The following WDR90 variants were observed in gnomAD, a reference collection of about 807,000 sequenced individuals.
WDR90 encodes WD repeat-containing protein 90.
WDR90 carries 238 observed loss-of-function variants against 195.2 expected under a neutral mutation model. That is an observed-to-expected ratio of 1.22 (90% confidence interval 1.10 to 1.36). WDR90 has a LOEUF of 1.36. WDR90 is among the 40% of genes most tolerant of loss of function. The pLI, the probability that WDR90 is intolerant of heterozygous loss-of-function variation, is 0.00. For synonymous variants in WDR90, 1,265 were observed against 1,052.4 expected (o/e 1.20, Z -3.91); for missense variants, 2,734 against 2,439.5 (o/e 1.12, Z -2.54).
chr16:665,508 G>T lies in WDR90; in HGVS notation c.4312-171G>T. ...TGGACTCACCCAGATCTAGTGCAGG[G>T]ACACACACGGGGGCCGGCATTGCTC... On this transcript the variant is annotated intron_variant, in intron 34 of 40. Transcript: ENST00000293879. 4 of 1,009,430 alleles carry T rather than the reference G, an allele frequency of 4.0e-6. No homozygotes were observed. The South Asian group carries it at 5.8e-5, about 15-fold the overall frequency. 62.5% of individuals were successfully genotyped at this position (1,009,430 alleles called of 1,614,324 possible).
rs375863765 is a variant in WDR90, at chr16:659,230, C to T, written c.3053-15C>T. The T allele has an allele frequency of 2.8e-5, 45 of 1,611,380 alleles. No individual in the cohort carries two copies. The highest frequency in any genetic ancestry group is 3.6e-5 in the Non-Finnish European group (42 of 1,179,534). ...CTCTTCCTTCCCAAACATCACAGGG[C>T]TGCTTCTTCCCCAGGCCCGGGCGCA... On this transcript the variant is annotated splice_polypyrimidine_tract_variant and intron_variant, in intron 25 of 40. Transcript: ENST00000293879.
intron 28 of WDR90, 56 bp from the exon 29 acceptor site, chr16:660,995 T>TCCCCCCCCCCC: frequency 9.7e-5 from 1 of 10,290 alleles, no homozygotes; most frequent in Non-Finnish European, 1.5e-4. Flanking sequence ...CCCAGGCCCC[T>TCCCCCCCCCCC]CCCCGCCCCC....
At position 649,784 on chromosome 16, in the gene WDR90, A is replaced by C. The variant is rs762960909; in HGVS notation, c.32A>C (p.Asn11Thr). 4 of 1,569,024 alleles carry C rather than the reference A, an allele frequency of 2.5e-6. No individual in the cohort carries two copies. Among genetic ancestry groups the C allele is most frequent in the Non-Finnish European group, 3.5e-6 (4 of 1,157,700 alleles). The change falls in exon 2 of 41, where the codon AAC becomes ACC. Residue 11 changes from asparagine to threonine, a missense_variant. Transcript: ENST00000293879. MARAWQHPFL[N>T]VFRHFRVDEW... Reference sequence around the variant, plus strand: ...GCAGCGTGGCAGCACCCGTTCCTCAACGTCTTCAGACACTTCCGGGTGGAC... The same window carrying C: ...GCAGCGTGGCAGCACCCGTTCCTCACCGTCTTCAGACACTTCCGGGTGGAC...
chr16:660,272 C>T (rs2037867748), intron 27 of WDR90, 111 bp downstream of exon 27: 1 of 1,035,708 alleles, frequency 9.7e-7, no homozygotes, highest in East Asian at 2.7e-5. Flanking sequence ...GGTGATGGCT[C>T]TGGCCCTTGG....
rs1267323893 is a variant in WDR90, at chr16:655,902, G to A, written c.1966+13G>A. On this transcript the variant is annotated intron_variant, in intron 17 of 40. Transcript: ENST00000293879. Reference sequence around the variant, plus strand: ...CTCCTGGAGGCAGGTGATGCTGTGGGCACGCTCTCCCAACTCCGGGAGAGC... The same window carrying A: ...CTCCTGGAGGCAGGTGATGCTGTGGACACGCTCTCCCAACTCCGGGAGAGC... The A allele has an allele frequency of 6.3e-7, 1 of 1,583,566 alleles. No individual in the cohort carries two copies.
chr16:667,033 C>A (rs778469210), intron 40 of WDR90, 44 bp downstream of exon 40: 1 of 1,546,856 alleles, frequency 6.5e-7, no homozygotes, highest in East Asian at 2.4e-5. Context: ...TAGGTGGGGG[C>A]CAAGTGGGCT....
Position 654,010 on chromosome 16 carries a change from T to C in WDR90, c.1437+207T>C, listed in dbSNP as rs974099803. On this transcript the variant is annotated intron_variant, in intron 13 of 40. Coordinates refer to ENST00000293879, the MANE Select transcript of WDR90 (RefSeq NM_145294.5). ...CACCACCAGCAGCTCACATTTCACG[T>C]CTCGGCTTTTCGGCCATCGGAGTCG... The C allele has an allele frequency of 7.9e-6, 5 of 636,074 alleles. No homozygotes were observed. The African/African-American group carries it at 9.2e-5, about 12-fold the overall frequency. The allele number at this position is 636,074 out of a possible 1,614,324, so 39.4% of individuals were successfully genotyped here.
At position 655,073 on chromosome 16, in the gene WDR90, G is replaced by A. The variant is rs1157499924; in HGVS notation, c.1482G>A (p.Glu494=). The change falls in exon 14 of 41, where the codon GAG becomes GAA. Residue 494 remains glutamate, a synonymous_variant. Transcript: ENST00000293879. ...WGTGQVGLGG[E]VVVLAKAHTD... ...CCGGCCAGGTGGGCCTCGGTGGCGA[G>A]GTGGTCGTTCTGGCAAAGGCGCACA... 2.4e-5 allele frequency: 39 copies of A among 1,612,786 alleles called. No homozygotes were observed. Among genetic ancestry groups the A allele is most frequent in the Non-Finnish European group, 3.3e-5 (39 of 1,179,856 alleles).
intron 17 of WDR90, 50 bp from the exon 18 acceptor site, chr16:656,252 G>T (rs761690912): frequency 6.5e-7 from 1 of 1,539,052 alleles, no homozygotes; most frequent in Non-Finnish European, 8.8e-7. Flanking sequence ...CTGAGCATGC[G>T]GCTCACCCCG....
In WDR90 at chr16:650,987, C is replaced by T; in HGVS notation, c.560-8C>T. On this transcript the variant is annotated splice_polypyrimidine_tract_variant and splice_region_variant and intron_variant, in intron 5 of 40. Transcript: ENST00000293879. ...TCCCTTGACCTGGAACAACCCTGCT[C>T]CTTGTAGCCATCTCTGGGGCCCAGT... 2 of 1,612,922 alleles carry T rather than the reference C, an allele frequency of 1.2e-6. No individual in the cohort carries two copies. Among genetic ancestry groups the T allele is most frequent in the Non-Finnish European group, 1.7e-6 (2 of 1,179,892 alleles).
Position 655,114 on chromosome 16 carries a change from A to C in WDR90, c.1523A>C (p.Gln508Pro). 1 of 1,612,790 alleles carries C rather than the reference A, an allele frequency of 6.2e-7. No individual in the cohort carries two copies. The highest frequency in any genetic ancestry group is 1.7e-5 in the Admixed American group (1 of 60,026). Reference protein sequence around the residue: ...LAKAHTDFDVQAFRVTFFDET... With the variant: ...LAKAHTDFDVPAFRVTFFDET... The stretch of plus-strand genomic sequence containing the variant: ...AAGGCGCACACTGACTTTGACGTCC[A>C]GGCCTTCCGGGTCACCTTTTTTGAT... The change falls in exon 14 of 41, where the codon CAG (glutamine) becomes CCG (proline). Residue 508 changes from glutamine (Q) to proline (P), a missense_variant. Gln to Pro is a moderately conservative substitution (Grantham distance 76). Coordinates refer to ENST00000293879, the MANE Select transcript of WDR90 (RefSeq NM_145294.5).
chr16:650,868 C>G (rs944240220), intron 5 of WDR90, 127 bp from the exon 6 acceptor site: 3 of 1,473,572 alleles, frequency 2.0e-6, no homozygotes, highest in Non-Finnish European at 2.8e-6. Context: ...GGGTCAGAAC[C>G]CATCCCAGAG....
In WDR90 at chr16:656,775, C is replaced by T. The variant is rs373837916; in HGVS notation, c.2246C>T (p.Thr749Ile). 20 of 1,613,176 alleles carry T rather than the reference C, an allele frequency of 1.2e-5. No individual in the cohort carries two copies. The highest frequency in any genetic ancestry group is 1.5e-5 in the Non-Finnish European group (18 of 1,179,996). The change falls in exon 19 of 41, where the codon ACC becomes ATC. Residue 749 changes from threonine (T) to isoleucine (I), a missense_variant. Transcript: ENST00000293879. The part of the protein sequence containing the change: ...TSSEDAPCAV[T>I]FHPTRPTFFC... ...TCAGAGGACGCCCCGTGCGCTGTCA[C>T]CTTCCACCCCACAAGGCCAACCTTT...
Position 657,194 on chromosome 16 carries a change from C to G in WDR90, c.2446C>G (p.Pro816Ala), listed in dbSNP as rs2037776600. 1.3e-6 allele frequency: 2 copies of G among 1,554,502 alleles called. No homozygotes were observed. The highest frequency in any genetic ancestry group is 1.4e-5 in the African/African-American group (1 of 73,300). ...GSLAQYSCAD[P>A]QWHVLRVAAD... The stretch of plus-strand genomic sequence containing the variant: ...CCTGGCCCAGTACAGCTGTGCGGAC[C>G]CCCAGTGGCATGTCCTCCGAGTGGC... Residue 816 changes from proline to alanine, a missense_variant, in exon 20 of 41, where the codon CCC becomes GCC. Transcript: ENST00000293879.
In WDR90 at chr16:657,329, G is replaced by A. The variant is rs1474949839; in HGVS notation, c.2473+108G>A. On this transcript the variant is annotated intron_variant, in intron 20 of 40. Coordinates refer to ENST00000293879, the MANE Select transcript of WDR90 (RefSeq NM_145294.5). ...ATGCCGGTTTCCTGGTGCACCGACT[G>A]GGTCCTGTGGGGGGGCGTGGCCGCC... 2.8e-6 allele frequency: 4 copies of A among 1,420,170 alleles called. No individual in the cohort carries two copies. In the African/African-American group the frequency reaches 5.7e-5, roughly 20 times the overall value. 88.0% of individuals were successfully genotyped at this position (1,420,170 alleles called of 1,614,324 possible).
intron 1 of WDR90, 136 bp downstream of exon 1, chr16:649,562 C>A: frequency 8.3e-7 from 1 of 1,208,390 alleles, no homozygotes; most frequent in South Asian, 2.7e-5. Flanking sequence ...TCCCGTCTGC[C>A]GGGCGCCCAC....
Position 656,530 on chromosome 16 carries a change from T to G in WDR90, c.2195T>G (p.Leu732Arg), listed in dbSNP as rs373591258. Residue 732 changes from leucine (L) to arginine (R), a missense_variant, in exon 18 of 41, where the codon CTG (leucine) becomes CGG (arginine). By Grantham distance (102) the Leu-to-Arg change is moderately radical. Coordinates refer to ENST00000293879, the MANE Select transcript of WDR90 (RefSeq NM_145294.5). ...RTVRIWDLAT[L>R]QQLYDFTSSE... is the part of the protein sequence containing the mutation. ...GTCCGCATCTGGGACCTGGCCACCC[T>G]GCAGCAGGTGGGGTTTGGCAGGGGC... 6.4e-7 allele frequency: 1 copy of G among 1,568,924 alleles called. No homozygotes were observed. Among genetic ancestry groups the G allele is most frequent in the Admixed American group, 1.8e-5 (1 of 54,922 alleles).
chr16:666,760 G>A lies in WDR90; in HGVS notation c.4972G>A (p.Glu1658Lys), dbSNP rs1376692758. ...GTACGTGGGCCCCGGTGTTTACAAGGAGGTGATCATCTACAACCTCTGCCA... is the reference window on the plus strand; with the variant it reads ...GTACGTGGGCCCCGGTGTTTACAAGAAGGTGATCATCTACAACCTCTGCCA... Reference protein sequence around the residue: ...LMYVGPGVYKEVIIYNLCQKQ... With the variant: ...LMYVGPGVYKKVIIYNLCQKQ... The change falls in exon 39 of 41, where the codon GAG becomes AAG. Residue 1658 changes from glutamate to lysine, a missense_variant. Physicochemically the swap from Glu to Lys is moderately conservative, Grantham distance 56. Transcript: ENST00000293879. 3 of 1,612,884 alleles carry A rather than the reference G, an allele frequency of 1.9e-6. No individual in the cohort carries two copies. The highest frequency in any genetic ancestry group is 1.1e-5 in the South Asian group (1 of 91,082).
intron 34 of WDR90, chr16:663,178 C>T (rs1331751021): frequency 1.2e-5 from 5 of 403,446 alleles, no homozygotes; most frequent in Admixed American, 3.0e-5. Context: ...TGGTTCATGC[C>T]TGTGATCCCA....
Sources: gnomAD v4.1 joint callset for allele counts on GRCh38, gnomAD v4.1.1 for gene constraint, MANE v1.5 for transcripts, NCBI Gene and HGNC (gene_info 2026-07-23, HGNC 2026-07-21) for gene names.